The following GLCE variants were observed in gnomAD, a reference collection of about 807,000 sequenced individuals.
GLCE encodes D-glucuronyl C5-epimerase.
A neutral mutation model predicts 47.9 loss-of-function variants in GLCE; 19 were observed. That is an observed-to-expected ratio of 0.40 (90% CI 0.28 to 0.58). The LOEUF is 0.58. Among genes scored for constraint, GLCE ranks in the 20% least tolerant of loss-of-function variants. The pLI, the probability that GLCE is intolerant of heterozygous loss-of-function variation, is 0.48. For missense variants in GLCE, 556 were observed against 743.3 expected (o/e 0.75, Z 2.93); for synonymous variants, 245 against 263.4 (o/e 0.93, Z 0.68).
chr15:69,173,888 T>C (rs183087646), intron 1 of GLCE, among the ~76,000 whole-genome samples: 1 of 152,284 alleles, frequency 6.6e-6, no homozygotes, highest in African/African-American at 2.4e-5. Context: ...GACAGGGTCT[T>C]ACTCTGTCAT....
chr15:69,175,176 C>T (rs934043343), intron 1 of GLCE, among the ~76,000 whole-genome samples: 2 of 151,752 alleles, frequency 1.3e-5, no homozygotes, highest in African/African-American at 2.4e-5. Flanking sequence ...GATCTTTAGT[C>T]TTCATCTGAT....
chr15:69,255,621 C>T (rs183401377), intron 2 of GLCE, among the ~76,000 whole-genome samples, 173 bp from the exon 3 acceptor site: 1 of 151,920 alleles, frequency 6.6e-6, no homozygotes. Flanking sequence ...AAGGAGGAAG[C>T]ACCTCTTACC....
intron 2 of GLCE, among the ~76,000 whole-genome samples, chr15:69,224,431 G>A (rs1400599391): frequency 6.6e-6 from 1 of 152,162 alleles, no homozygotes; most frequent in East Asian, 1.9e-4. Flanking sequence ...CTCCCAAAAG[G>A]AGAAAAAGAG....
At chr15:69,236,654 A>C (rs1463362565) in intron 2 of GLCE, among the ~76,000 whole-genome samples, 3 of 152,214 alleles carry the variant, frequency 2.0e-5, no homozygotes, top group Non-Finnish European at 2.9e-5. Flanking sequence ...TTACATTTCC[A>C]CATTCTTGAG....
At chr15:69,195,254 CA>C (rs1480400019) in intron 1 of GLCE, among the ~76,000 whole-genome samples, 1 of 151,838 alleles carries the variant, frequency 6.6e-6, no homozygotes, top group Non-Finnish European at 1.5e-5. Flanking sequence ...TTTATCTCAG[CA>C]AAATCAAGTC....
chr15:69,250,223 T>C (rs894116884), intron 2 of GLCE, among the ~76,000 whole-genome samples: 2 of 152,178 alleles, frequency 1.3e-5, no homozygotes, highest in Non-Finnish European at 2.9e-5. Flanking sequence ...CAGTGCAATC[T>C]ACTTCTTGAA....
chr15:69,237,214 C>G (rs2052604646), intron 2 of GLCE, among the ~76,000 whole-genome samples: 1 of 152,020 alleles, frequency 6.6e-6, no homozygotes, highest in African/African-American at 2.4e-5. Flanking sequence ...ATCATTTTTT[C>G]TGATATCATG....
intron 2 of GLCE, among the ~76,000 whole-genome samples, chr15:69,252,757 G>C (rs1473674199): frequency 6.6e-6 from 1 of 151,894 alleles, no homozygotes; most frequent in Admixed American, 6.6e-5. Flanking sequence ...ACATGTAAGT[G>C]CTTTTAATGA....
intron 1 of GLCE, among the ~76,000 whole-genome samples, chr15:69,184,570 A>G (rs2051796298): frequency 1.3e-5 from 2 of 152,250 alleles, no homozygotes; most frequent in Non-Finnish European, 2.9e-5. Context: ...TTATATCACT[A>G]ATATGTTTCA....
chr15:69,162,888 T>G (rs989296661), intron 1 of GLCE, among the ~76,000 whole-genome samples: 2 of 152,210 alleles, frequency 1.3e-5, no homozygotes, highest in African/African-American at 4.8e-5. Flanking sequence ...GCCAGGCCTC[T>G]TAGATACAAT....
chr15:69,270,091 TA>T lies in GLCE; in HGVS notation c.*848del, dbSNP rs1440294834. The T allele has an allele frequency of 2.0e-5, 3 of 152,590 alleles. No homozygotes were observed. The highest frequency in any genetic ancestry group is 4.8e-5 in the African/African-American group (2 of 41,448). The allele number at this position is 152,590 out of a possible 1,614,324, so 9.5% of individuals were successfully genotyped here. ...GGAGTTTTGTATATTTTGAGAGAGATATTTTTGGGACATTATTTTGGAAACT... is the reference window on the plus strand; with the variant it reads ...GGAGTTTTGTATATTTTGAGAGAGATTTTTTGGGACATTATTTTGGAAACT... On this transcript the variant is annotated 3_prime_UTR_variant, in exon 5 of 5. Transcript: ENST00000261858.
chr15:69,192,575 T>C (rs1424245055), intron 1 of GLCE, among the ~76,000 whole-genome samples: 2 of 152,132 alleles, frequency 1.3e-5, no homozygotes, highest in East Asian at 1.9e-4. Context: ...ATTTTATTGC[T>C]TCTTGATAGG....
chr15:69,250,047 G>A (rs1343097690), intron 2 of GLCE, among the ~76,000 whole-genome samples: 1 of 151,968 alleles, frequency 6.6e-6, no homozygotes, highest in Non-Finnish European at 1.5e-5. Flanking sequence ...AAATCTTTAG[G>A]GTCAGCAGTA....
intron 2 of GLCE, among the ~76,000 whole-genome samples, chr15:69,215,961 C>T (rs2052301303): frequency 6.6e-6 from 1 of 151,978 alleles, no homozygotes; most frequent in African/African-American, 2.4e-5. Context: ...ATCTTTTTGA[C>T]CAAATTAGCT....
intron 1 of GLCE, among the ~76,000 whole-genome samples, chr15:69,161,755 C>T (rs576825818): frequency 2.0e-5 from 3 of 152,204 alleles, no homozygotes; most frequent in Admixed American, 6.5e-5. Flanking sequence ...CCCCGGGATC[C>T]CTGTGGGGGC....
chr15:69,186,195 C>G (rs1595743097), intron 1 of GLCE, among the ~76,000 whole-genome samples: 2 of 152,018 alleles, frequency 1.3e-5, no homozygotes, highest in Non-Finnish European at 2.9e-5. Context: ...CATCAACATT[C>G]CTTCCTCCAG....
intron 3 of GLCE, chr15:69,260,876 G>C: frequency 2.0e-6 from 1 of 495,862 alleles, no homozygotes; most frequent in Non-Finnish European, 3.6e-6. Flanking sequence ...AACAAATAAT[G>C]AATGAGAGTG....
At chr15:69,219,503 A>G (rs1295517219) in intron 2 of GLCE, among the ~76,000 whole-genome samples, 1 of 152,168 alleles carries the variant, frequency 6.6e-6, no homozygotes, top group African/African-American at 2.4e-5. Context: ...TAGAACAACA[A>G]AGTTAGAAAG....
At chr15:69,265,167 A>T (rs981319198) in intron 4 of GLCE, among the ~76,000 whole-genome samples, 4 of 152,188 alleles carry the variant, frequency 2.6e-5, no homozygotes, top group Non-Finnish European at 5.9e-5. Context: ...AAGTGCATAT[A>T]TATGTGTCAC....
Sources: gnomAD v4.1 joint callset for allele counts (sites outside exome capture counted in the v4.1 genomes callset) on GRCh38, gnomAD v4.1.1 for gene constraint, MANE v1.5 for transcripts, NCBI Gene and HGNC (gene_info 2026-07-23, HGNC 2026-07-21) for gene names.